Variants in HDAC9 observed in about 807,000 individuals in gnomAD.
HDAC9 encodes the protein MEF-2 interacting transcription repressor (MITR) protein.
In HDAC9, 41 loss-of-function variants were observed where a neutral mutation model predicts 139.4. That is an observed-to-expected ratio of 0.29 (90% CI 0.23 to 0.38). The LOEUF (loss-of-function observed/expected upper bound fraction) is 0.38, where lower values mean the gene tolerates loss of function less well. Ranked by LOEUF, HDAC9 falls within the 10% of genes least tolerant of loss-of-function variation. The pLI is 1.00. For synonymous variants in HDAC9, 517 were observed against 476.2 expected (o/e 1.09, Z -1.12); for missense variants, 1,147 against 1,297.0 (o/e 0.88, Z 1.78).
At chr7:18,966,081 G>C (rs1329679799) in intron 24 of HDAC9, among the ~76,000 whole-genome samples, 1 of 152,284 alleles carries the variant, frequency 6.6e-6, no homozygotes, top group South Asian at 2.1e-4. Flanking sequence ...TGTTACACCT[G>C]TACTTTGCTT....
chr7:18,420,995 C>G (rs1329397936), intron 1 of HDAC9, among the ~76,000 whole-genome samples: 1 of 152,128 alleles, frequency 6.6e-6, no homozygotes, highest in African/African-American at 2.4e-5. Context: ...GAGGGCATGC[C>G]TAGACATGCA....
At chr7:18,898,740 T>A (rs1244619748) in intron 22 of HDAC9, among the ~76,000 whole-genome samples, 1 of 151,966 alleles carries the variant, frequency 6.6e-6, no homozygotes, top group Non-Finnish European at 1.5e-5. Flanking sequence ...GACTTTTTTT[T>A]TATAAGTGAG....
chr7:18,738,603 C>T (rs1381709034), intron 13 of HDAC9, among the ~76,000 whole-genome samples: 1 of 152,206 alleles, frequency 6.6e-6, no homozygotes, highest in Non-Finnish European at 1.5e-5. Context: ...TCTCTTCTGG[C>T]TTGTAGGGTT....
At chr7:18,430,199 A>G (rs2128761204) in intron 1 of HDAC9, among the ~76,000 whole-genome samples, 2 of 152,264 alleles carry the variant, frequency 1.3e-5, no homozygotes, top group East Asian at 3.9e-4. Context: ...AGTGTTTTTC[A>G]AACTGTGGAC....
chr7:18,398,732 G>A (rs1340591852), intron 1 of HDAC9, among the ~76,000 whole-genome samples: 2 of 152,070 alleles, frequency 1.3e-5, no homozygotes, highest in Non-Finnish European at 2.9e-5. Flanking sequence ...TAAAAAGAAT[G>A]TGCTGTTGAG....
chr7:18,607,747 C>T (rs1171685165), intron 6 of HDAC9, among the ~76,000 whole-genome samples: 1 of 151,924 alleles, frequency 6.6e-6, no homozygotes, highest in East Asian at 1.9e-4. Flanking sequence ...CAAATGATTC[C>T]TAAGATTGTA....
intron 12 of HDAC9, among the ~76,000 whole-genome samples, chr7:18,712,239 G>T (rs564740467): frequency 6.6e-6 from 1 of 152,040 alleles, no homozygotes; most frequent in African/African-American, 2.4e-5. Context: ...AATCCCTAAA[G>T]ATGTTGACAA....
chr7:18,813,449 G>A (rs921770302), intron 17 of HDAC9, among the ~76,000 whole-genome samples: 1 of 152,008 alleles, frequency 6.6e-6, no homozygotes, highest in Admixed American at 6.6e-5. Flanking sequence ...TGAGAGGGGT[G>A]TTGAAGCTCT....
At chr7:18,506,949 C>T (rs900624664) in intron 2 of HDAC9, among the ~76,000 whole-genome samples, 3 of 151,996 alleles carry the variant, frequency 2.0e-5, no homozygotes, top group Admixed American at 1.3e-4. Flanking sequence ...GAAGTGTTCT[C>T]TCAATTTACT....
At chr7:18,786,571 G>C (rs1490129030) in intron 16 of HDAC9, among the ~76,000 whole-genome samples, 1 of 102,656 alleles carries the variant, frequency 9.7e-6, no homozygotes, top group Non-Finnish European at 2.0e-5. Context: ...ACACCTCTTG[G>C]GTATGGCTGG....
At chr7:18,401,812 A>AT (rs1787570833) in intron 1 of HDAC9, among the ~76,000 whole-genome samples, 1 of 151,992 alleles carries the variant, frequency 6.6e-6, no homozygotes, top group Non-Finnish European at 1.5e-5. Context: ...TGCCTCTGGT[A>AT]TTTTTTTATA....
intron 3 of HDAC9, among the ~76,000 whole-genome samples, chr7:18,589,044 C>G (rs896877432): frequency 6.6e-6 from 1 of 152,140 alleles, no homozygotes; most frequent in African/African-American, 2.4e-5. Flanking sequence ...GATATTCTCT[C>G]TCTTACATAT....
intron 11 of HDAC9, among the ~76,000 whole-genome samples, chr7:18,649,524 A>G (rs1562751192): frequency 6.6e-6 from 1 of 152,188 alleles, no homozygotes. Context: ...TTACAGAGGC[A>G]TGAGAGGCAT....
intron 2 of HDAC9, among the ~76,000 whole-genome samples, chr7:18,532,839 AAT>A (rs1809490818): frequency 3.3e-5 from 5 of 151,800 alleles, no homozygotes; most frequent in African/African-American, 1.2e-4. Context: ...TTTTAACTTT[AAT>A]ATTTCTAAAT....
intron 22 of HDAC9, among the ~76,000 whole-genome samples, chr7:18,921,714 C>A (rs1281794053): frequency 6.6e-6 from 1 of 152,088 alleles, no homozygotes; most frequent in Non-Finnish European, 1.5e-5. Flanking sequence ...TTGACCCAGC[C>A]ATCCCATTAC....
At chr7:18,198,543 A>T (rs1482986354) in intron 2 of HDAC9, among the ~76,000 whole-genome samples, 1 of 152,180 alleles carries the variant, frequency 6.6e-6, no homozygotes, top group African/African-American at 2.4e-5. Context: ...TGTTAACATC[A>T]TACAATCTCA....
intron 21 of HDAC9, among the ~76,000 whole-genome samples, chr7:18,849,567 T>C (rs1244177415): frequency 1.3e-5 from 2 of 152,194 alleles, no homozygotes; most frequent in African/African-American, 4.8e-5. Flanking sequence ...AAAAGATGGC[T>C]TTGGTTTTTT....
intron 13 of HDAC9, among the ~76,000 whole-genome samples, chr7:18,747,662 C>A (rs1296542885): frequency 6.6e-6 from 1 of 152,104 alleles, no homozygotes; most frequent in Non-Finnish European, 1.5e-5. Flanking sequence ...GAGGTCAGTC[C>A]TGAGGATGAA....
intron 22 of HDAC9, among the ~76,000 whole-genome samples, chr7:18,904,951 T>C (rs1467704105): frequency 6.6e-6 from 1 of 151,634 alleles, no homozygotes. Flanking sequence ...CAGGCTGGAG[T>C]TCAGTGGCGG....
Sources: allele counts gnomAD v4.1 joint callset (sites outside exome capture counted in the v4.1 genomes callset), GRCh38; gene constraint gnomAD v4.1.1; transcripts MANE v1.5; gene names NCBI Gene and HGNC (gene_info 2026-07-23, HGNC 2026-07-21).